Variants in GRIK5 observed in about 807,000 individuals in gnomAD.
The protein encoded by GRIK5 is glutamate receptor ionotropic, kainate 5.
In GRIK5, 43 loss-of-function variants were observed where a neutral mutation model predicts 97.4. The ratio of observed to expected loss-of-function variants is 0.44; its 90% CI spans 0.35 to 0.57. GRIK5 has a LOEUF of 0.57. Among genes scored for constraint, GRIK5 ranks in the 20% least tolerant of loss-of-function variants. The probability of loss-of-function intolerance (pLI) is 0.01; values close to 1 mark genes in which losing one functional copy is unlikely to be tolerated. For synonymous variants in GRIK5, 580 were observed against 583.5 expected (o/e 0.99, Z 0.09); for missense variants, 1,015 against 1,382.0 (o/e 0.73, Z 4.21).
chr19:42,067,152 G>A (rs937112975), intron 1 of GRIK5, among the ~76,000 whole-genome samples: 1 of 152,196 alleles, frequency 6.6e-6, no homozygotes, highest in Non-Finnish European at 1.5e-5. Flanking sequence ...GGTTACTGTG[G>A]GGGGCACAGA....
chr19:42,063,189 T>C lies in GRIK5; in HGVS notation c.245-334A>G, dbSNP rs1245799729. On this transcript the variant is annotated intron_variant, in intron 3 of 19. Transcript: ENST00000593562. ...CCTCAGCCACTGTTGTTCTCAACCT[T>C]TTCAGCCATGCCACAACCCACGGTG... 6.3e-6 allele frequency: 3 copies of C among 479,034 alleles called. No individual in the cohort carries two copies. In the East Asian group the frequency reaches 1.8e-4, roughly 29 times the overall value. 29.7% of individuals were successfully genotyped at this position (479,034 alleles called of 1,614,324 possible). A position where few individuals can be genotyped will look rare whatever the true frequency, so the allele number is the denominator to read the frequency against.
chr19:42,022,559 C>T lies in GRIK5; in HGVS notation c.1474-205G>A. 2 of 985,272 alleles carry T rather than the reference C, an allele frequency of 2.0e-6. No individual in the cohort carries two copies. Among genetic ancestry groups the T allele is most frequent in the Non-Finnish European group, 2.4e-6 (2 of 829,904 alleles). The allele number at this position is 985,272 out of a possible 1,614,324, so 61.0% of individuals were successfully genotyped here. A position where few individuals can be genotyped will look rare whatever the true frequency, so the allele number is the denominator to read the frequency against. ...ACCCTCATCGCATGTCCATCCTCATCATCTCACGTCTCCAGACACACTGAC... is the reference window on the plus strand; with the variant it reads ...ACCCTCATCGCATGTCCATCCTCATTATCTCACGTCTCCAGACACACTGAC... On this transcript the variant is annotated intron_variant, in intron 12 of 19. Coordinates refer to ENST00000593562, the MANE Select transcript of GRIK5 (RefSeq NM_002088.5). The surrounding 1 kb of genome is among the most constrained non-coding windows in gnomAD (Gnocchi z 4.2).
At chr19:42,057,374 T>C (rs947592563) in intron 6 of GRIK5, among the ~76,000 whole-genome samples, 1 of 151,418 alleles carries the variant, frequency 6.6e-6, no homozygotes, top group Non-Finnish European at 1.5e-5. Context: ...AGGGGAATTA[T>C]CTTTTTTTTT....
At chr19:42,023,444 T>C (rs745492256) in intron 12 of GRIK5, among the ~76,000 whole-genome samples, 1 of 152,308 alleles carries the variant, frequency 6.6e-6, no homozygotes, top group Non-Finnish European at 1.5e-5. Flanking sequence ...TCATCACAGC[T>C]AATATAGGAC....
intron 15 of GRIK5, among the ~76,000 whole-genome samples, chr19:42,012,824 A>G (rs1036330829): frequency 4.0e-5 from 6 of 151,652 alleles, no homozygotes; most frequent in Non-Finnish European, 7.4e-5. Context: ...CCAAGATTGT[A>G]CCACTGTACT....
intron 15 of GRIK5, among the ~76,000 whole-genome samples, chr19:42,012,230 GTA>G (rs1281380574): frequency 6.7e-6 from 1 of 149,882 alleles, no homozygotes; most frequent in Admixed American, 6.6e-5. Flanking sequence ...GTATGTGTAT[GTA>G]TGTATGTATG....
At chr19:42,047,751 C>G (rs2076060492) in intron 11 of GRIK5, among the ~76,000 whole-genome samples, 1 of 152,008 alleles carries the variant, frequency 6.6e-6, no homozygotes, top group Non-Finnish European at 1.5e-5. Flanking sequence ...AGGTGGATTA[C>G]TTGAGGTCAG....
chr19:42,066,273 C>A (rs2076330990), intron 1 of GRIK5, among the ~76,000 whole-genome samples: 1 of 152,014 alleles, frequency 6.6e-6, no homozygotes, highest in Non-Finnish European at 1.5e-5. Context: ...CTAGGCAACC[C>A]CATCCCAGGC....
At position 42,003,710 on chromosome 19, in the gene GRIK5, C is replaced by T; in HGVS notation, c.2264-27G>A. On this transcript the variant is annotated intron_variant, in intron 17 of 19. Coordinates refer to ENST00000593562, the MANE Select transcript of GRIK5 (RefSeq NM_002088.5). The surrounding 1 kb of genome is among the most constrained non-coding windows in gnomAD (Gnocchi z 4.2). The stretch of plus-strand genomic sequence containing the variant: ...TGGGCAGGCACACGAGGGGCTGGAC[C>T]AGCCATCGGGCCCTGCAGCCCTGAC... 1 of 1,588,110 alleles carries T rather than the reference C, an allele frequency of 6.3e-7. No homozygotes were observed. The highest frequency in any genetic ancestry group is 8.6e-7 in the Non-Finnish European group (1 of 1,167,032).
chr19:42,017,279 G>A lies in GRIK5; in HGVS notation c.1871+4022C>T, dbSNP rs530835982. The stretch of plus-strand genomic sequence containing the variant: ...TGCCACTTACTCATTCTAAGCAGGC[G>A]CCGACTGTCGCATTCTGTCTTCTGG... On this transcript the variant is annotated intron_variant, in intron 15 of 19. Transcript: ENST00000593562. Among the ~76,000 whole-genome samples the A allele has an allele frequency of 4.6e-5, 7 of 152,290 alleles. No homozygotes were observed. In the South Asian group the frequency reaches 1.0e-3, roughly 23 times the overall value.
chr19:42,022,147 G>A lies in GRIK5; in HGVS notation c.1588-91C>T. 7.2e-7 allele frequency: 1 copy of A among 1,387,294 alleles called. No homozygotes were observed. Among genetic ancestry groups the A allele is most frequent in the Non-Finnish European group, 1.0e-6 (1 of 984,712 alleles). The allele number at this position is 1,387,294 out of a possible 1,614,324, so 85.9% of individuals were successfully genotyped here. On this transcript the variant is annotated intron_variant, in intron 13 of 19. Transcript: ENST00000593562. The surrounding 1 kb of genome is among the most constrained non-coding windows in gnomAD (Gnocchi z 4.2). ...TACCAGGGACCTGGGAGCCTGACCG[G>A]CCCATCTGAGGTCCTGGGGCTGTCT...
At position 42,065,203 on chromosome 19, in the gene GRIK5, G is replaced by T; in HGVS notation, c.244+20C>A. 1 of 1,596,066 alleles carries T rather than the reference G, an allele frequency of 6.3e-7. No homozygotes were observed. The highest frequency in any genetic ancestry group is 8.6e-7 in the Non-Finnish European group (1 of 1,168,470). On this transcript the variant is annotated intron_variant, in intron 3 of 19. Transcript: ENST00000593562. The surrounding 1 kb of genome is among the most constrained non-coding windows in gnomAD (Gnocchi z 5.8). Reference sequence around the variant, plus strand: ...ACCGACCTGCCCTGCCTCACCCCACGCCCCCATGGCCCCGCTCACTGGTGT... The same window carrying T: ...ACCGACCTGCCCTGCCTCACCCCACTCCCCCATGGCCCCGCTCACTGGTGT...
chr19:42,000,759 C>T (rs985614342), intron 19 of GRIK5, among the ~76,000 whole-genome samples: 15 of 152,298 alleles, frequency 9.8e-5, no homozygotes, highest in African/African-American at 3.1e-4. Flanking sequence ...ATTCTGCTTC[C>T]GCCTTGCTCT....
intron 3 of GRIK5, among the ~76,000 whole-genome samples, chr19:42,063,978 C>A (rs993590543): frequency 6.6e-6 from 1 of 152,206 alleles, no homozygotes. Flanking sequence ...CTGGTAAGGG[C>A]CCCACCATTC....
At position 42,006,976 on chromosome 19, in the gene GRIK5, C is replaced by T. The variant is rs1167237029; in HGVS notation, c.1872-166G>A. 1.3e-5 allele frequency among the ~76,000 whole-genome samples: 2 copies of T among 152,158 alleles called. No homozygotes were observed. Among genetic ancestry groups the T allele is most frequent in the African/African-American group, 4.8e-5 (2 of 41,422 alleles). On this transcript the variant is annotated intron_variant, in intron 15 of 19. Coordinates refer to ENST00000593562, the MANE Select transcript of GRIK5 (RefSeq NM_002088.5). The surrounding 1 kb of genome is among the most constrained non-coding windows in gnomAD (Gnocchi z 5.3). ...GAGTGTGGATTCTGAAGCCAGACTT[C>T]CTGGTTGTAAATATTGCATCCGGAG...
chr19:42,005,839 C>T lies in GRIK5; in HGVS notation c.2147G>A (p.Arg716His), dbSNP rs781838864. ...EEGIARVLNS[R>H]YAFLLESTMN... ...GGTGGACTCGAGCAGGAAGGCGTAGCGGGAGTTGAGGACGCGGGCAATGCC... is the reference window on the plus strand; with the variant it reads ...GGTGGACTCGAGCAGGAAGGCGTAGTGGGAGTTGAGGACGCGGGCAATGCC... Residue 716 changes from arginine (R) to histidine (H), a missense_variant, in exon 17 of 20, where the codon CGC (arginine) becomes CAC (histidine). By Grantham distance (29) the Arg-to-His change is conservative. This residue lies in a region of GRIK5 where 229 missense variants were observed against 341.0 expected (regional missense o/e 0.67). Coordinates refer to ENST00000593562, the MANE Select transcript of GRIK5 (RefSeq NM_002088.5). 11 of 1,613,312 alleles carry T rather than the reference C, an allele frequency of 6.8e-6. No homozygotes were observed. The highest frequency in any genetic ancestry group is 5.0e-5 in the Admixed American group (3 of 59,976).
At chr19:42,017,781 C>T (rs868809823) in intron 15 of GRIK5, among the ~76,000 whole-genome samples, 1 of 152,140 alleles carries the variant, frequency 6.6e-6, no homozygotes, top group Non-Finnish European at 1.5e-5. Flanking sequence ...CAAAGCCAAG[C>T]TACTGGCTAG....
At chr19:42,040,336 A>G (rs2075962956) in intron 12 of GRIK5, among the ~76,000 whole-genome samples, 1 of 152,214 alleles carries the variant, frequency 6.6e-6, no homozygotes, top group South Asian at 2.1e-4. Flanking sequence ...CTGTTGGTGA[A>G]AAAAGGGCAT....
Position 41,999,128 on chromosome 19 carries a change from C to A in GRIK5, c.2686G>T (p.Gly896Cys). ...SNGKLYSAGA[G>C]GDAGSAHGGP... Reference sequence around the variant, plus strand: ...CCGTGCGCGCTGCCCGCATCCCCGCCCGCGCCGGCCGAGTAGAGCTTGCCG... The same window carrying A: ...CCGTGCGCGCTGCCCGCATCCCCGCACGCGCCGGCCGAGTAGAGCTTGCCG... Residue 896 changes from glycine to cysteine, a missense_variant, in exon 20 of 20, where the codon GGC becomes TGC. Physicochemically the swap from Gly to Cys is radical, Grantham distance 159. This residue lies in a region of GRIK5 where 229 missense variants were observed against 341.0 expected (regional missense o/e 0.67). Transcript: ENST00000593562. The surrounding 1 kb of genome is among the most constrained non-coding windows in gnomAD (Gnocchi z 5.0). 1 of 1,434,380 alleles carries A rather than the reference C, an allele frequency of 7.0e-7. No individual in the cohort carries two copies. Among genetic ancestry groups the A allele is most frequent in the Non-Finnish European group, 9.1e-7 (1 of 1,100,602 alleles). 88.9% of individuals were successfully genotyped at this position (1,434,380 alleles called of 1,614,324 possible). A position where few individuals can be genotyped will look rare whatever the true frequency, so the allele number is the denominator to read the frequency against.
Sources: gnomAD v4.1 joint callset for allele counts (sites outside exome capture counted in the v4.1 genomes callset) on GRCh38, gnomAD v4.1.1 for gene constraint, gnomAD v4.1.1 regional missense constraint, Gnocchi (gnomAD v3.1) non-coding constraint, MANE v1.5 for transcripts, NCBI Gene and HGNC (gene_info 2026-07-23, HGNC 2026-07-21) for gene names.